Variants in AUTS2 observed in about 807,000 individuals in gnomAD.
The protein encoded by AUTS2 is autism susceptibility gene 2 protein.
Under a neutral mutation model 112.4 loss-of-function variants are expected in AUTS2, and 17 were observed. The ratio of observed to expected loss-of-function variants is 0.15; its 90% confidence interval spans 0.10 to 0.23. AUTS2 has a LOEUF of 0.23. Ranked by LOEUF, AUTS2 falls within the 10% of genes least tolerant of loss-of-function variation. AUTS2 has a pLI of 1.00. For missense variants in AUTS2, 1,510 were observed against 1,701.6 expected, an observed-to-expected ratio of 0.89 and a Z score of 1.98; for synonymous variants, 751 against 702.7, an observed-to-expected ratio of 1.07 and a Z score of -1.09.
At chr7:70,435,680 G>A in intron 4 of AUTS2, 72 bp from the exon 5 acceptor site, 1 of 1,489,790 alleles carries the variant, frequency 6.7e-7, no homozygotes, top group South Asian at 1.1e-5. Flanking sequence ...TGGGGGTTGG[G>A]GGAGGAGGCA....
intron 4 of AUTS2, among the ~76,000 whole-genome samples, chr7:70,392,279 G>A (rs1299437907): frequency 6.6e-6 from 1 of 152,128 alleles, no homozygotes; most frequent in East Asian, 1.9e-4. Flanking sequence ...TCTAAGGAAT[G>A]AATGACAGCA....
At chr7:70,318,957 A>G (rs994880498) in intron 4 of AUTS2, among the ~76,000 whole-genome samples, 2 of 152,142 alleles carry the variant, frequency 1.3e-5, no homozygotes, top group African/African-American at 2.4e-5. Context: ...TGAGTATTTT[A>G]TGTGCTGTCT....
At chr7:70,688,864 T>G (rs1346139180) in intron 5 of AUTS2, among the ~76,000 whole-genome samples, 1 of 152,178 alleles carries the variant, frequency 6.6e-6, no homozygotes, top group Non-Finnish European at 1.5e-5. Context: ...AGACATCATT[T>G]TTATAGTCGT....
At chr7:69,721,937 CATGTGAA>C (rs551914770) in intron 1 of AUTS2, among the ~76,000 whole-genome samples, 177 of 152,148 alleles carry the variant, frequency 1.2e-3, no homozygotes, top group Admixed American at 8.7e-3. Flanking sequence ...TTGGGGAGGA[CATGTGAA>C]ACATATGTTG....
intron 1 of AUTS2, among the ~76,000 whole-genome samples, chr7:69,812,170 C>T (rs2129525015): frequency 6.6e-6 from 1 of 152,170 alleles, no homozygotes; most frequent in East Asian, 1.9e-4. Flanking sequence ...ACTGTAAAAA[C>T]ACAAATAAAT....
intron 1 of AUTS2, among the ~76,000 whole-genome samples, chr7:69,843,950 T>C (rs1226899941): frequency 6.6e-6 from 1 of 152,204 alleles, no homozygotes; most frequent in Non-Finnish European, 1.5e-5. Flanking sequence ...AGTTCTGCTT[T>C]TCAAGTGGCC....
intron 1 of AUTS2, among the ~76,000 whole-genome samples, chr7:69,811,648 T>C (rs1790547495): frequency 6.6e-6 from 1 of 152,174 alleles, no homozygotes; most frequent in Non-Finnish European, 1.5e-5. Context: ...CTGCAATAAG[T>C]GATACCTTTC....
Position 70,015,201 on chromosome 7 carries a change from G to A in AUTS2, c.523-102931G>A, listed in dbSNP as rs577829824. Among the ~76,000 whole-genome samples, 5 of 152,088 alleles carry A rather than the reference G, an allele frequency of 3.3e-5. No individual in the cohort carries two copies. In the South Asian group the frequency reaches 1.0e-3, roughly 32 times the overall value. ...CAGCCAAGTATCTCAGTTGGAGAAG[G>A]CAAAGTCTTATTGGTCCTTATATTC... On this transcript the variant is annotated intron_variant, in intron 2 of 18. Transcript: ENST00000342771.
chr7:70,721,598 C>T (rs1481058529), intron 6 of AUTS2, among the ~76,000 whole-genome samples: 2 of 152,152 alleles, frequency 1.3e-5, no homozygotes, highest in East Asian at 3.9e-4. Context: ...GCCTACCTGA[C>T]ATTGTCTGAG....
chr7:70,527,425 C>T (rs1432440786), intron 5 of AUTS2, among the ~76,000 whole-genome samples: 1 of 152,028 alleles, frequency 6.6e-6, no homozygotes, highest in East Asian at 1.9e-4. Flanking sequence ...AATAACTGCT[C>T]AAACTATTTA....
At chr7:70,241,532 G>C (rs1812613599) in intron 4 of AUTS2, among the ~76,000 whole-genome samples, 1 of 151,904 alleles carries the variant, frequency 6.6e-6, no homozygotes, top group Non-Finnish European at 1.5e-5. Context: ...TTTTAGCTTT[G>C]ATGTGACTAT....
chr7:69,858,175 T>C (rs1372331251), intron 1 of AUTS2, among the ~76,000 whole-genome samples: 1 of 152,166 alleles, frequency 6.6e-6, no homozygotes, highest in East Asian at 1.9e-4. Context: ...TCTGGGGAAA[T>C]AGCTCAGAGT....
chr7:70,363,281 G>A (rs1792361030), intron 4 of AUTS2, among the ~76,000 whole-genome samples: 1 of 152,012 alleles, frequency 6.6e-6, no homozygotes, highest in South Asian at 2.1e-4. Context: ...GATTTCCTTA[G>A]ACATATTCTT....
intron 5 of AUTS2, among the ~76,000 whole-genome samples, chr7:70,505,956 T>TTCCAGGC (rs763549815): frequency 2.0e-4 from 30 of 152,188 alleles, no homozygotes; most frequent in Non-Finnish European, 3.4e-4. Flanking sequence ...CACCCCTTCT[T>TTCCAGGC]TCCAGGCTCC....
At chr7:70,188,811 C>T (rs1156758014) in intron 4 of AUTS2, among the ~76,000 whole-genome samples, 23 of 148,406 alleles carry the variant, frequency 1.5e-4, no homozygotes, top group East Asian at 2.0e-4. Context: ...GACGGAGTTG[C>T]GCTCTGTCGC....
chr7:70,612,383 A>C (rs1804140573), intron 5 of AUTS2, among the ~76,000 whole-genome samples: 1 of 152,208 alleles, frequency 6.6e-6, no homozygotes, highest in Admixed American at 6.5e-5. Context: ...GTGGTTGCTC[A>C]AACCTCTGGT....
chr7:70,223,852 G>GTT (rs34236397), intron 4 of AUTS2, among the ~76,000 whole-genome samples: 1,399 of 131,900 alleles, frequency 0.011, 16 homozygotes, highest in African/African-American at 0.029. Flanking sequence ...TTGTATCTTT[G>GTT]TTTTTTTTTT....
chr7:69,972,671 ATGTGTGTGTGTGTG>A (rs769055659), intron 2 of AUTS2, among the ~76,000 whole-genome samples: 2 of 85,250 alleles, frequency 2.3e-5, no homozygotes, highest in Non-Finnish European at 5.6e-5. Context: ...GTGTGCGTGC[ATGTGTGTGTGTGTG>A]TGTGTGTGTG....
At chr7:70,224,659 C>T (rs1376503628) in intron 4 of AUTS2, among the ~76,000 whole-genome samples, 3 of 152,132 alleles carry the variant, frequency 2.0e-5, no homozygotes, top group Non-Finnish European at 2.9e-5. Context: ...CAATAATGTC[C>T]TAGGCCTTCA....
Sources: gnomAD v4.1 joint callset for allele counts (sites outside exome capture counted in the v4.1 genomes callset) on GRCh38, gnomAD v4.1.1 for gene constraint, MANE v1.5 for transcripts, NCBI Gene and HGNC (gene_info 2026-07-23, HGNC 2026-07-21) for gene names.